Variants in CFAP46 observed in about 807,000 individuals in gnomAD.
CFAP46 encodes the protein cilia- and flagella-associated protein 46.
In CFAP46, 245 loss-of-function variants were observed where a neutral mutation model predicts 325.7. That is an observed-to-expected ratio of 0.75 (90% CI 0.68 to 0.84). CFAP46 has a LOEUF of 0.84. CFAP46 is among the 40% of genes least tolerant of loss of function. The pLI is 0.00. For synonymous variants in CFAP46, 1,523 were observed against 1,495.9 expected, an observed-to-expected ratio of 1.02 and a Z score of -0.42; for missense variants, 3,346 against 3,543.0, an observed-to-expected ratio of 0.94 and a Z score of 1.41.
At chr10:132,868,537 C>T (rs58309410) in intron 33 of CFAP46, among the ~76,000 whole-genome samples, 13,534 of 152,184 alleles carry the variant, frequency 0.089, 1,607 homozygotes, top group African/African-American at 0.27. Context: ...TACCACAGGC[C>T]GCTAAGTGAA....
intron 41 of CFAP46, among the ~76,000 whole-genome samples, chr10:132,848,479 C>T (rs766616944): frequency 2.7e-5 from 4 of 150,348 alleles, no homozygotes; most frequent in African/African-American, 9.8e-5. Flanking sequence ...GGTCATCAGC[C>T]GGCTGCCAGG....
intron 25 of CFAP46, among the ~76,000 whole-genome samples, chr10:132,888,371 A>G (rs1383949030): frequency 2.9e-5 from 1 of 34,566 alleles, no homozygotes; most frequent in African/African-American, 1.7e-4. Context: ...TGCACCTGCC[A>G]CCTTCACCCC....
intron 50 of CFAP46, among the ~76,000 whole-genome samples, chr10:132,826,997 A>AT (rs1294636211): frequency 4.6e-5 from 7 of 152,044 alleles, no homozygotes; most frequent in Non-Finnish European, 1.0e-4. Flanking sequence ...CCATTTGGGC[A>AT]TTTTTCTAGA....
rs1486569664 is a variant in CFAP46, at chr10:132,828,235, C to T, written c.7117+5123G>A. On this transcript the variant is annotated intron_variant, in intron 50 of 57. Transcript: ENST00000368586. The surrounding 1 kb of genome is among the most constrained non-coding windows in gnomAD (Gnocchi z 4.9). ...TTTGGTAGATGGAGTGGAATGACTG[C>T]GGCATACAACAGGCCTGCTTTAACT... is the stretch of plus-strand genomic sequence containing the variant. Among the ~76,000 whole-genome samples, 16 of 152,324 alleles carry T rather than the reference C, an allele frequency of 1.1e-4. No homozygotes were observed. The Middle Eastern group carries it at 0.014, about 130-fold the overall frequency.
chr10:132,913,363 A>ATTAT (rs2135555397), intron 17 of CFAP46, 105 bp from the exon 18 acceptor site: 11 of 357,586 alleles, frequency 3.1e-5, no homozygotes, highest in East Asian at 2.3e-4. Flanking sequence ...CAGGGCAAGA[A>ATTAT]GTGGGAGGGG....
In CFAP46 at chr10:132,808,957, G is replaced by A. The variant is rs1847523392; in HGVS notation, c.7665-53C>T. 2.7e-6 allele frequency: 4 copies of A among 1,497,620 alleles called. No individual in the cohort carries two copies. Among genetic ancestry groups the A allele is most frequent in the African/African-American group, 1.4e-5 (1 of 72,088 alleles). The allele number at this position is 1,497,620 out of a possible 1,614,324, so 92.8% of individuals were successfully genotyped here. A position where few individuals can be genotyped will look rare whatever the true frequency, so the allele number is the denominator to read the frequency against. On this transcript the variant is annotated intron_variant, in intron 57 of 57. Transcript: ENST00000368586. The surrounding 1 kb of genome is among the most constrained non-coding windows in gnomAD (Gnocchi z 6.8). ...ACCCCGAGGCCCCGCAGGACGTCCA[G>A]CCCGGTGAGGACCAGGGCACAGGGG... is the stretch of plus-strand genomic sequence containing the variant.
rs200587858 is a variant in CFAP46 at position 132,834,833 on chromosome 10, G to A, written c.6745-58C>T. On this transcript the variant is annotated intron_variant, in intron 47 of 57. Coordinates refer to ENST00000368586, the MANE Select transcript of CFAP46 (RefSeq NM_001200049.3). Reference sequence around the variant, plus strand: ...AAACAGGGCGCATGGCCCAGACCCCGCGAGGGCCAGGCCCCTGCAGAAAGG... The same window carrying A: ...AAACAGGGCGCATGGCCCAGACCCCACGAGGGCCAGGCCCCTGCAGAAAGG... The A allele has an allele frequency of 7.8e-5, 123 of 1,566,918 alleles. No homozygotes were observed. In the Middle Eastern group the frequency reaches 1.1e-3, roughly 14 times the overall value.
chr10:132,913,510 A>G (rs1242692089), intron 17 of CFAP46, among the ~76,000 whole-genome samples: 1 of 152,192 alleles, frequency 6.6e-6, no homozygotes, highest in Non-Finnish European at 1.5e-5. Context: ...CGATCAGCGC[A>G]TTCCAAGGAT....
intron 6 of CFAP46, 97 bp from the exon 7 acceptor site, chr10:132,937,152 T>C: frequency 1.4e-6 from 1 of 692,686 alleles, no homozygotes; most frequent in Non-Finnish European, 2.2e-6. Flanking sequence ...TAATTTTGTA[T>C]CTAGCTTTTC....
chr10:132,934,894 A>G, intron 7 of CFAP46, 32 bp from the exon 8 acceptor site: 1 of 1,277,846 alleles, frequency 7.8e-7, no homozygotes, highest in Non-Finnish European at 1.1e-6. Flanking sequence ...ATTCAGCACA[A>G]GATCCTGTCA....
chr10:132,829,832 T>A (rs1465406868), intron 50 of CFAP46, among the ~76,000 whole-genome samples: 7 of 152,274 alleles, frequency 4.6e-5, no homozygotes, highest in African/African-American at 1.7e-4. Context: ...TTGGCTGATT[T>A]TTCAAATATT....
chr10:132,819,086 A>C (rs1180417079), intron 50 of CFAP46, among the ~76,000 whole-genome samples: 5 of 152,216 alleles, frequency 3.3e-5, no homozygotes, highest in African/African-American at 1.2e-4. Context: ...AGTACTATAC[A>C]TTACAATGAA....
intron 31 of CFAP46, among the ~76,000 whole-genome samples, chr10:132,874,018 T>C (rs2135324655): frequency 6.6e-6 from 1 of 152,278 alleles, no homozygotes; most frequent in Non-Finnish European, 1.5e-5. Context: ...AAACAGAAGC[T>C]CTGGGCTCAG....
chr10:132,918,715 G>A (rs1849675396), intron 15 of CFAP46, among the ~76,000 whole-genome samples, 195 bp from the exon 16 acceptor site: 1 of 152,200 alleles, frequency 6.6e-6, no homozygotes. Flanking sequence ...GGATGGCGGA[G>A]GTGGGTGGAG....
chr10:132,870,777 G>A (rs1848886505), intron 32 of CFAP46, among the ~76,000 whole-genome samples: 1 of 152,230 alleles, frequency 6.6e-6, no homozygotes, highest in South Asian at 2.1e-4. Context: ...GCCAGGTGAA[G>A]CAGCAAGTGC....
rs369144517 is a variant in CFAP46, at chr10:132,813,087, G to A, written c.7389-190C>T. ...TGCTCTGATCACAGGGGTCACGGCGGAGCCTAGTCAAGGGGACCCACGGTG... is the reference window on the plus strand; with the variant it reads ...TGCTCTGATCACAGGGGTCACGGCGAAGCCTAGTCAAGGGGACCCACGGTG... On this transcript the variant is annotated intron_variant, in intron 54 of 57. Transcript: ENST00000368586. Among the ~76,000 whole-genome samples, 33 of 152,270 alleles carry A rather than the reference G, an allele frequency of 2.2e-4. No individual in the cohort carries two copies. The East Asian group carries it at 6.0e-3, about 28-fold the overall frequency.
At position 132,808,410 on chromosome 10, in the gene CFAP46, T is replaced by G. The variant is rs2134731151; in HGVS notation, c.*11A>C. On this transcript the variant is annotated 3_prime_UTR_variant, in exon 58 of 58. Coordinates refer to ENST00000368586, the MANE Select transcript of CFAP46 (RefSeq NM_001200049.3). This position sits in a 1 kb window ranked among gnomAD's most constrained non-coding sequence, Gnocchi z 6.8. ...CAGAGACTGGCTTTTGTTGTTTGTT[T>G]AGTGGAACACTCAAATCAAAAACAG... is the stretch of plus-strand genomic sequence containing the variant. The G allele has an allele frequency of 6.3e-7, 1 of 1,595,180 alleles. No homozygotes were observed. Among genetic ancestry groups the G allele is most frequent in the Non-Finnish European group, 8.6e-7 (1 of 1,166,168 alleles).
Position 132,832,398 on chromosome 10 carries a change from C to CCCCCCG in CFAP46, c.7117+959_7117+960insCGGGGG, listed in dbSNP as rs899709488. Among the ~76,000 whole-genome samples, 686 of 132,966 alleles carry CCCCCCG rather than the reference C, an allele frequency of 5.2e-3. 18 individuals carry two copies. The highest frequency in any genetic ancestry group is 0.015 in the African/African-American group (527 of 35,150). 87.2% of individuals were successfully genotyped at this position (132,966 alleles called of 152,430 possible). On this transcript the variant is annotated intron_variant, in intron 50 of 57. Coordinates refer to ENST00000368586, the MANE Select transcript of CFAP46 (RefSeq NM_001200049.3). The surrounding 1 kb of genome is among the most constrained non-coding windows in gnomAD (Gnocchi z 4.1). ...CCCTGGGCTCTTCCTGCCCCCCCCC[C>CCCCCCG]CCAATGCTGTGGCCTGGAAATTCCC...
rs1417724075 is a variant in CFAP46, at chr10:132,817,886, C to T, written c.7118-2972G>A. On this transcript the variant is annotated intron_variant, in intron 50 of 57. Transcript: ENST00000368586. This position sits in a 1 kb window ranked among gnomAD's most constrained non-coding sequence, Gnocchi z 4.4. ...CACAGTGAACGGCGTCGGCCGCGCT[C>T]TGCCTGGAGGCTCCCGGGGAGAATC... Among the ~76,000 whole-genome samples the T allele has an allele frequency of 6.6e-6, 1 of 152,250 alleles. No homozygotes were observed. Among genetic ancestry groups the T allele is most frequent in the East Asian group, 1.9e-4 (1 of 5,198 alleles).
Sources: gnomAD v4.1 joint callset for allele counts (sites outside exome capture counted in the v4.1 genomes callset) on GRCh38, gnomAD v4.1.1 for gene constraint, Gnocchi (gnomAD v3.1) non-coding constraint, MANE v1.5 for transcripts, NCBI Gene and HGNC (gene_info 2026-07-23, HGNC 2026-07-21) for gene names.